DST: variants seen among roughly 807,000 people sequenced by gnomAD.
DST encodes the protein bullous pemphigoid antigen.
Under a neutral mutation model 875.2 loss-of-function variants are expected in DST, and 253 were observed. That is an observed-to-expected ratio of 0.29 (90% CI 0.26 to 0.32). The LOEUF (loss-of-function observed/expected upper bound fraction) is 0.32. DST is among the 10% of genes least tolerant of loss of function. The pLI, the probability that DST is intolerant of heterozygous loss-of-function variation, is 1.00. For synonymous variants in DST, 3,124 were observed against 3,197.1 expected, an observed-to-expected ratio of 0.98 and a Z score of 0.77; for missense variants, 8,287 against 9,111.6, an observed-to-expected ratio of 0.91 and a Z score of 3.68.
At chr6:56,631,138 A>T in intron 30 of DST, 73 bp downstream of exon 30, 1 of 642,056 alleles carries the variant, frequency 1.6e-6, no homozygotes, top group Non-Finnish European at 2.3e-6. Flanking sequence ...ATAAAAATAA[A>T]ATTTTAAATT....
Position 56,782,559 on chromosome 6 carries a change from T to C in DST, c.626-47270A>G, listed in dbSNP as rs905888582. On this transcript the variant is annotated intron_variant, in intron 4 of 103. Transcript: ENST00000680361. ...ATGGTAGTTTGTATTTCTGTGGGAT[T>C]GGTGGTGATATCCCCTTTATCATTT... 5.3e-5 allele frequency among the ~76,000 whole-genome samples: 8 copies of C among 152,168 alleles called. No individual in the cohort carries two copies. In the East Asian group the frequency reaches 5.8e-4, roughly 11 times the overall value.
intron 69 of DST, among the ~76,000 whole-genome samples, chr6:56,520,045 A>C (rs572425270): frequency 1.3e-5 from 2 of 152,340 alleles, no homozygotes; most frequent in East Asian, 3.9e-4. Flanking sequence ...GCAAAGAAAA[A>C]GAATATACAG....
intron 61 of DST, among the ~76,000 whole-genome samples, chr6:56,538,398 TTC>T (rs10617998): frequency 0.66 from 100,137 of 151,880 alleles, 33,528 homozygotes; most frequent in Non-Finnish European, 0.7. Context: ...TAGTTTGAGA[TTC>T]TGAGTCATTA....
intron 5 of DST, among the ~76,000 whole-genome samples, chr6:56,734,856 G>A (rs1345090556): frequency 1.3e-5 from 2 of 151,996 alleles, no homozygotes; most frequent in African/African-American, 2.4e-5. Flanking sequence ...ATAAACCTGA[G>A]GCCAGAACTT....
Position 56,730,595 on chromosome 6 carries a change from T to C in DST, c.687+4633A>G, listed in dbSNP as rs530579350. ...AAAAGAATGTCATCAATTTTATATT[T>C]TGGAACAATTCTCCAGGTAAAATTT... is the stretch of plus-strand genomic sequence containing the variant. On this transcript the variant is annotated intron_variant, in intron 5 of 103. Transcript: ENST00000680361. Among the ~76,000 whole-genome samples, 95 of 152,326 alleles carry C rather than the reference T, an allele frequency of 6.2e-4. No homozygotes were observed. The Middle Eastern group carries it at 0.014, about 22-fold the overall frequency.
At chr6:56,907,606 C>G (rs1001991255) in intron 2 of DST, among the ~76,000 whole-genome samples, 2 of 152,142 alleles carry the variant, frequency 1.3e-5, no homozygotes, top group Admixed American at 6.5e-5. Flanking sequence ...ACATTCTGCT[C>G]TTATGTAAAG....
chr6:56,494,115 C>T lies in DST; in HGVS notation c.20289G>A (p.Gln6763=), dbSNP rs777715932. 9 of 1,612,030 alleles carry T rather than the reference C, an allele frequency of 5.6e-6. No homozygotes were observed. The highest frequency in any genetic ancestry group is 7.6e-6 in the Non-Finnish European group (9 of 1,178,734). Residue 6763 remains glutamine (Q), a synonymous_variant, in exon 83 of 104, where the codon CAG becomes CAA. Transcript: ENST00000680361. Reference sequence around the variant, plus strand: ...CAGATTTTGGGCATCTTGCAAGCATCTGCTGGCCTTTCTGCATCAGACTCT... The same window carrying T: ...CAGATTTTGGGCATCTTGCAAGCATTTGCTGGCCTTTCTGCATCAGACTCT... ...TYKSLMQKGQ[Q]MLARCPKSAE... is the part of the protein sequence containing the mutation.
intron 64 of DST, among the ~76,000 whole-genome samples, chr6:56,530,417 A>G (rs912213042): frequency 2.0e-5 from 3 of 152,228 alleles, no homozygotes; most frequent in African/African-American, 4.8e-5. Flanking sequence ...TAATGACAGC[A>G]ATGTTATAAT....
Position 56,634,142 on chromosome 6 carries a change from T to A in DST, c.3611A>T (p.Asn1204Ile). The change falls in exon 27 of 104, where the codon AAT (asparagine) becomes ATT (isoleucine). Residue 1204 changes from asparagine (N) to isoleucine (I), a missense_variant. Physicochemically the swap from Asn to Ile is moderately radical, Grantham distance 149. Transcript: ENST00000680361. Reference protein sequence around the residue: ...INEIDRIRASNVASIKTMLPG... With the variant: ...INEIDRIRASIVASIKTMLPG... ...CAGATTCATACTTACTGAAGCCACA[T>A]TGCTAGCTCGAATTCTATCAATTTC... The A allele has an allele frequency of 6.2e-7, 1 of 1,613,224 alleles. No individual in the cohort carries two copies. Among genetic ancestry groups the A allele is most frequent in the Non-Finnish European group, 8.5e-7 (1 of 1,180,024 alleles).
intron 3 of DST, among the ~76,000 whole-genome samples, chr6:56,866,050 G>A (rs1773902402): frequency 1.3e-5 from 2 of 151,916 alleles, no homozygotes; most frequent in Admixed American, 6.5e-5. Context: ...GCAGAGTGTA[G>A]TGGCGCAATC....
At chr6:56,563,050 G>GGT (rs1013742019) in intron 55 of DST, among the ~76,000 whole-genome samples, 4 of 152,078 alleles carry the variant, frequency 2.6e-5, no homozygotes, top group African/African-American at 9.6e-5. Flanking sequence ...GATAAACATA[G>GGT]GTGTGTGTGT....
chr6:56,595,312 C>T lies in DST; in HGVS notation c.12196-1119G>A, dbSNP rs913336351. Among the ~76,000 whole-genome samples the T allele has an allele frequency of 3.9e-5, 6 of 151,988 alleles. No homozygotes were observed. The South Asian group carries it at 6.2e-4, about 16-fold the overall frequency. ...TCAGATATCTGCTTGGCTAATTGCA[C>T]CCATCTCCATTGAGTCCCGTTTAAA... On this transcript the variant is annotated intron_variant, in intron 47 of 103. Transcript: ENST00000680361.
chr6:56,783,782 T>C (rs1410275484), intron 4 of DST, among the ~76,000 whole-genome samples: 1 of 152,228 alleles, frequency 6.6e-6, no homozygotes, highest in Admixed American at 6.5e-5. Context: ...GTTAGCTGGT[T>C]ATTTTGCTCG....
chr6:56,628,213 G>A (rs1205211140), intron 32 of DST, 52 bp from the exon 33 acceptor site: 5 of 1,514,018 alleles, frequency 3.3e-6, no homozygotes, highest in Admixed American at 1.7e-5. Flanking sequence ...TCCATCAGGA[G>A]GGTGGAAGAT....
rs151000101 is a variant in DST, at chr6:56,877,416, C to A, written c.417+23005G>T. Among the ~76,000 whole-genome samples the A allele has an allele frequency of 9.2e-3, 1,393 of 152,240 alleles. 23 individuals are homozygous for A. The highest frequency in any genetic ancestry group is 0.031 in the African/African-American group (1,305 of 41,548). ...TAAAAAATACAAAAAATTAGCCGGG[C>A]ATGGTGGCAGGCACCTGTAATCCCA... On this transcript the variant is annotated intron_variant, in intron 3 of 103. Coordinates refer to ENST00000680361, the MANE Select transcript of DST (RefSeq NM_001374736.1).
At chr6:56,579,054 A>C (rs1585407879) in intron 49 of DST, 117 bp from the exon 50 acceptor site, 4 of 885,530 alleles carry the variant, frequency 4.5e-6, no homozygotes, top group East Asian at 5.6e-5. Flanking sequence ...ACTTTTCATC[A>C]TACCAACTTT....
At chr6:56,690,350 C>A (rs953689617) in intron 9 of DST, among the ~76,000 whole-genome samples, 2 of 152,050 alleles carry the variant, frequency 1.3e-5, no homozygotes, top group Non-Finnish European at 1.5e-5. Context: ...TCCTTTTTTA[C>A]CTACTTATCC....
intron 2 of DST, among the ~76,000 whole-genome samples, chr6:56,918,996 C>T (rs1802735227): frequency 6.6e-6 from 1 of 151,906 alleles, no homozygotes; most frequent in Non-Finnish European, 1.5e-5. Context: ...TTTTATAAGC[C>T]ATTTTTTTCT....
At chr6:56,670,492 C>T (rs1054143723) in intron 10 of DST, 149 bp downstream of exon 10, 17 of 654,758 alleles carry the variant, frequency 2.6e-5, no homozygotes, top group Non-Finnish European at 3.3e-5. Flanking sequence ...GGCCACTGCA[C>T]CTGGCCAATT....
Sources: gnomAD v4.1 joint callset for allele counts (sites outside exome capture counted in the v4.1 genomes callset) on GRCh38, gnomAD v4.1.1 for gene constraint, MANE v1.5 for transcripts, NCBI Gene and HGNC (gene_info 2026-07-23, HGNC 2026-07-21) for gene names.